Variants in PDE1A observed in about 807,000 individuals in gnomAD.
The protein encoded by PDE1A is dual specificity calcium/calmodulin-dependent 3',5'-cyclic nucleotide phosphodiesterase 1A.
A neutral mutation model predicts 61.7 loss-of-function variants in PDE1A; 35 were observed. The ratio of observed to expected loss-of-function variants is 0.57; its 90% confidence interval spans 0.43 to 0.75. The LOEUF (loss-of-function observed/expected upper bound fraction) is 0.75, where lower values mean the gene tolerates loss of function less well. Ranked by LOEUF, PDE1A falls within the 30% of genes least tolerant of loss-of-function variation. PDE1A has a pLI of 0.00. For missense variants in PDE1A, 597 were observed against 630.6 expected, an observed-to-expected ratio of 0.95 and a Z score of 0.57; for synonymous variants, 232 against 213.2, an observed-to-expected ratio of 1.09 and a Z score of -0.77.
intron 1 of PDE1A, among the ~76,000 whole-genome samples, chr2:182,302,845 G>A (rs1017296579): frequency 6.6e-6 from 1 of 151,620 alleles, no homozygotes; most frequent in Non-Finnish European, 1.5e-5. Context: ...ATACTTTGTT[G>A]TTATTTCAAC....
chr2:182,271,134 T>C (rs1692987850), intron 1 of PDE1A, among the ~76,000 whole-genome samples: 1 of 151,398 alleles, frequency 6.6e-6, no homozygotes, highest in Non-Finnish European at 1.5e-5. Flanking sequence ...TAATATTGCA[T>C]TGTACACTGG....
chr2:182,408,556 T>A (rs1702433742), intron 1 of PDE1A, among the ~76,000 whole-genome samples: 1 of 152,200 alleles, frequency 6.6e-6, no homozygotes, highest in Admixed American at 6.5e-5. Context: ...TTTCAGGGTC[T>A]TTGGGCAGTA....
chr2:182,655,758 G>A, the PDE1A span, among the ~76,000 whole-genome samples: 1 of 152,172 alleles, frequency 6.6e-6, no homozygotes, highest in South Asian at 2.1e-4. Flanking sequence ...GAGAATAAAG[G>A]GTTCAAAATT....
chr2:182,263,989 C>T (rs1017883810), intron 2 of PDE1A, among the ~76,000 whole-genome samples: 13 of 152,106 alleles, frequency 8.5e-5, no homozygotes, highest in African/African-American at 3.1e-4. Context: ...TAAGCCTACA[C>T]GTAACTCTGA....
chr2:182,539,106 C>A, the PDE1A span, among the ~76,000 whole-genome samples: 9 of 152,290 alleles, frequency 5.9e-5, no homozygotes, highest in South Asian at 1.9e-3. Context: ...TTTGGTCCAG[C>A]CACACTGGCC....
intron 2 of PDE1A, among the ~76,000 whole-genome samples, chr2:182,451,764 C>T (rs1211898847): frequency 6.6e-6 from 1 of 152,076 alleles, no homozygotes. Context: ...CAGAGTTGTG[C>T]AGTACCGCTT....
At chr2:182,648,985 A>C in the PDE1A span, among the ~76,000 whole-genome samples, 2 of 152,226 alleles carry the variant, frequency 1.3e-5, no homozygotes, top group Non-Finnish European at 1.5e-5. Flanking sequence ...CAGTCAAACA[A>C]GAGGTGTCCC....
chr2:182,365,558 A>G (rs1291922327), intron 1 of PDE1A, among the ~76,000 whole-genome samples: 2 of 151,934 alleles, frequency 1.3e-5, no homozygotes, highest in Non-Finnish European at 2.9e-5. Context: ...CCCCAAGTTA[A>G]TTATCGGTTG....
intron 2 of PDE1A, among the ~76,000 whole-genome samples, chr2:182,454,755 T>C (rs548995383): frequency 2.3e-4 from 35 of 152,104 alleles, no homozygotes; most frequent in Middle Eastern, 3.4e-3. Context: ...TTACACCTTA[T>C]ACAAAAATTA....
chr2:182,606,567 A>G, the PDE1A span, among the ~76,000 whole-genome samples: 2 of 152,226 alleles, frequency 1.3e-5, no homozygotes, highest in African/African-American at 4.8e-5. Flanking sequence ...CTGAGGATAC[A>G]GCAGTGAACA....
chr2:182,167,755 T>A, downstream of PDE1A: 1 of 324,720 alleles, frequency 3.1e-6, no homozygotes, highest in Non-Finnish European at 4.4e-6. Flanking sequence ...TGCCATTCAC[T>A]CTCACTATAA....
At chr2:182,565,325 C>A in the PDE1A span, among the ~76,000 whole-genome samples, 3 of 152,192 alleles carry the variant, frequency 2.0e-5, no homozygotes, top group African/African-American at 4.8e-5. Context: ...CCACTCCAGA[C>A]CCTGTTTGCC....
chr2:182,192,641 T>C (rs1186015338), intron 10 of PDE1A, among the ~76,000 whole-genome samples: 2 of 152,140 alleles, frequency 1.3e-5, no homozygotes, highest in African/African-American at 4.8e-5. Context: ...GAGGTTTCGC[T>C]GTCATTTGAG....
the PDE1A span, among the ~76,000 whole-genome samples, chr2:182,579,733 A>T: frequency 6.6e-6 from 1 of 152,220 alleles, no homozygotes; most frequent in South Asian, 2.1e-4. Flanking sequence ...CCAAAAAAAA[A>T]AGGAGAAATG....
chr2:182,240,398 C>T, intron 2 of PDE1A, 106 bp from the exon 3 acceptor site: 1 of 617,414 alleles, frequency 1.6e-6, no homozygotes, highest in Non-Finnish European at 2.6e-6. Flanking sequence ...CAATCACTCT[C>T]TGATTATTCC....
intron 13 of PDE1A, among the ~76,000 whole-genome samples, chr2:182,150,669 T>G (rs980589551): frequency 6.6e-6 from 1 of 152,204 alleles, no homozygotes; most frequent in African/African-American, 2.4e-5. Flanking sequence ...GATAGAAATT[T>G]TATGGGTTTG....
exon 2 of PDE1A, chr2:182,264,324 T>A: frequency 1.2e-6 from 2 of 1,612,286 alleles, no homozygotes; most frequent in Non-Finnish European, 1.7e-6. Flanking sequence ...TATAAACTGC[T>A]TCCAGCACAG....
intron 2 of PDE1A, among the ~76,000 whole-genome samples, chr2:182,470,660 C>T (rs1321861347): frequency 1.3e-5 from 2 of 151,748 alleles, no homozygotes; most frequent in Admixed American, 6.6e-5. Context: ...AAGTGGGTTT[C>T]TGTACATTGA....
At chr2:182,246,828 A>T (rs1691010274) in intron 2 of PDE1A, among the ~76,000 whole-genome samples, 2 of 152,166 alleles carry the variant, frequency 1.3e-5, no homozygotes, top group South Asian at 4.1e-4. Flanking sequence ...AAAGACCTGG[A>T]GAGCAAAGAG....
Sources: gnomAD v4.1 joint callset for allele counts (sites outside exome capture counted in the v4.1 genomes callset) on GRCh38, gnomAD v4.1.1 for gene constraint, MANE v1.5 for transcripts, NCBI Gene and HGNC (gene_info 2026-07-23, HGNC 2026-07-21) for gene names.